Variants in KIF14 observed in about 807,000 individuals in gnomAD.
KIF14 encodes the protein kinesin-like protein KIF14.
KIF14 carries 98 observed loss-of-function variants against 176.2 expected under a neutral mutation model. The ratio of observed to expected loss-of-function variants is 0.56; its 90% confidence interval spans 0.47 to 0.66. The LOEUF is 0.66. KIF14 is among the 30% of genes least tolerant of loss of function. The pLI is 0.00. For synonymous variants in KIF14, 566 were observed against 632.2 expected, an observed-to-expected ratio of 0.90 and a Z score of 1.57; for missense variants, 1,751 against 1,920.4, an observed-to-expected ratio of 0.91 and a Z score of 1.65.
intron 2 of KIF14, among the ~76,000 whole-genome samples, chr1:200,616,294 TC>T (rs933487423): frequency 6.6e-6 from 1 of 152,200 alleles, no homozygotes; most frequent in African/African-American, 2.4e-5. Context: ...ACCTGCCTCA[TC>T]AATTTGACAA....
intron 23 of KIF14, 140 bp from the exon 24 acceptor site, chr1:200,565,809 G>C (rs1657417024): frequency 1.6e-6 from 1 of 617,322 alleles, no homozygotes; most frequent in Non-Finnish European, 2.8e-6. Context: ...GTTCACTGTG[G>C]AATTAGAAAA....
intron 18 of KIF14, among the ~76,000 whole-genome samples, chr1:200,586,621 T>TA (rs901164558): frequency 6.9e-4 from 101 of 146,560 alleles, no homozygotes; most frequent in African/African-American, 2.1e-3. Context: ...TGATAGAAGT[T>TA]AAAAAAAAAA....
intron 18 of KIF14, 140 bp from the exon 19 acceptor site, chr1:200,586,367 A>G (rs1658737178): frequency 1.7e-6 from 1 of 573,684 alleles, no homozygotes; most frequent in Non-Finnish European, 2.8e-6. Flanking sequence ...ATAACATTGT[A>G]TAACTTAAAT....
At chr1:200,566,709 C>A (rs1162728531) in intron 23 of KIF14, among the ~76,000 whole-genome samples, 2 of 151,972 alleles carry the variant, frequency 1.3e-5, no homozygotes, top group African/African-American at 2.4e-5. Context: ...CTCAAGCAAT[C>A]CCTTGGCCTC....
intron 15 of KIF14, among the ~76,000 whole-genome samples, chr1:200,592,896 A>G (rs544513851): frequency 3.5e-4 from 53 of 152,324 alleles, no homozygotes; most frequent in African/African-American, 1.2e-3. Flanking sequence ...ACTATAACAC[A>G]ATGGTAAATA....
chr1:200,553,017 C>G lies in KIF14; in HGVS notation c.*371G>C, dbSNP rs1288255238. ...GGAGTAAAGTGGCATGATCTTGGCT[C>G]ACTGCAACCTCTGCCTCTCAGGTTC... On this transcript the variant is annotated 3_prime_UTR_variant, in exon 30 of 30. Transcript: ENST00000367350. The G allele has an allele frequency of 1.3e-5, 2 of 153,046 alleles. No homozygotes were observed. Among genetic ancestry groups the G allele is most frequent in the African/African-American group, 4.8e-5 (2 of 41,408 alleles). The allele number at this position is 153,046 out of a possible 1,614,324, so 9.5% of individuals were successfully genotyped here. A position where few individuals can be genotyped will look rare whatever the true frequency, so the allele number is the denominator to read the frequency against.
At chr1:200,558,667 G>A (rs566210969) in intron 27 of KIF14, among the ~76,000 whole-genome samples, 1 of 152,158 alleles carries the variant, frequency 6.6e-6, no homozygotes, top group Non-Finnish European at 1.5e-5. Context: ...AACTGTCAGA[G>A]GAAATTAATC....
Position 200,568,297 on chromosome 1 carries a change from G to A in KIF14, c.3661+1614C>T, listed in dbSNP as rs149731246. On this transcript the variant is annotated intron_variant, in intron 23 of 29. Coordinates refer to ENST00000367350, the MANE Select transcript of KIF14 (RefSeq NM_014875.3). ...TAAAATATCTTACTCAGATAATACC[G>A]AATAAATAAGTTGCTACCACAGATA... 3.5e-3 allele frequency among the ~76,000 whole-genome samples: 538 copies of A among 152,118 alleles called. 5 individuals are homozygous for A. The highest frequency in any genetic ancestry group is 0.019 in the South Asian group (92 of 4,818).
In KIF14 at chr1:200,555,395, A is replaced by G; in HGVS notation, c.4413T>C (p.Phe1471=). Residue 1471 remains phenylalanine (F), a synonymous_variant, in exon 28 of 30, where the codon TTT becomes TTC. Transcript: ENST00000367350. ...CTTCTCTTACAATTTTCGATTCAGCAAAGATGTTTTCAAGAGATCTAATCA... is the reference window on the plus strand; with the variant it reads ...CTTCTCTTACAATTTTCGATTCAGCGAAGATGTTTTCAAGAGATCTAATCA... The part of the protein sequence containing the change: ...MGLIRSLENI[F]AESKIKSFRR... The G allele has an allele frequency of 1.9e-6, 3 of 1,580,768 alleles. No individual in the cohort carries two copies. The highest frequency in any genetic ancestry group is 2.6e-6 in the Non-Finnish European group (3 of 1,162,708).
chr1:200,577,723 A>AT (rs575026099), intron 21 of KIF14, among the ~76,000 whole-genome samples: 180 of 152,206 alleles, frequency 1.2e-3, no homozygotes, highest in African/African-American at 4.2e-3. Context: ...AAGAAAAAAA[A>AT]AAAAGAAGAT....
At chr1:200,606,453 G>A (rs1311304340) in intron 6 of KIF14, among the ~76,000 whole-genome samples, 1 of 152,054 alleles carries the variant, frequency 6.6e-6, no homozygotes, top group African/African-American at 2.4e-5. Context: ...AAAGGAAGGG[G>A]TAAAAGAAAG....
At position 200,618,627 on chromosome 1, in the gene KIF14, T is replaced by C; in HGVS notation, c.97A>G (p.Ser33Gly). 1.2e-6 allele frequency: 2 copies of C among 1,614,122 alleles called. No homozygotes were observed. Among genetic ancestry groups the C allele is most frequent in the Non-Finnish European group, 1.7e-6 (2 of 1,180,026 alleles). The change falls in exon 2 of 30, where the codon AGT (serine) becomes GGT (glycine). Residue 33 changes from serine (S) to glycine (G), a missense_variant. By Grantham distance (56) the Ser-to-Gly change is moderately conservative (BLOSUM62 0). Coordinates refer to ENST00000367350, the MANE Select transcript of KIF14 (RefSeq NM_014875.3). The part of the protein sequence containing the change: ...NSSSLNALTH[S>G]SRLKLHLKSD... The stretch of plus-strand genomic sequence containing the variant: ...TTCAAATGCAGCTTAAGTCGGCTAC[T>C]GTGGGTGAGGGCATTCAGTGATGAA...
At chr1:200,594,470 G>C (rs1659230116) in intron 14 of KIF14, among the ~76,000 whole-genome samples, 1 of 149,126 alleles carries the variant, frequency 6.7e-6, no homozygotes, top group Non-Finnish European at 1.5e-5. Flanking sequence ...AATTTTCTAA[G>C]CTTCTGGTTT....
intron 15 of KIF14, among the ~76,000 whole-genome samples, chr1:200,593,368 C>T (rs1571528392): frequency 6.6e-6 from 1 of 152,108 alleles, no homozygotes; most frequent in South Asian, 2.1e-4. Context: ...ACTTGCCAGA[C>T]GTCACAGAGC....
At chr1:200,611,137 G>A (rs1329580385) in intron 4 of KIF14, among the ~76,000 whole-genome samples, 2 of 152,172 alleles carry the variant, frequency 1.3e-5, no homozygotes, top group African/African-American at 4.8e-5. Context: ...GACAGTTAGG[G>A]CATGGTTTCC....
At chr1:200,572,177 TAG>T (rs1225311117) in intron 22 of KIF14, among the ~76,000 whole-genome samples, 3 of 152,228 alleles carry the variant, frequency 2.0e-5, no homozygotes, top group African/African-American at 7.2e-5. Context: ...TTTTAAATTA[TAG>T]AAGTACCCAA....
chr1:200,605,460 C>A, intron 7 of KIF14, 70 bp from the exon 8 acceptor site: 1 of 1,043,004 alleles, frequency 9.6e-7, no homozygotes, highest in Non-Finnish European at 1.5e-6. Flanking sequence ...TTAAGAGAGA[C>A]AACATATACA....
rs1045588306 is a variant in KIF14, at chr1:200,555,962, T to C, written c.4354-508A>G. Among the ~76,000 whole-genome samples the C allele has an allele frequency of 2.6e-5, 4 of 152,230 alleles. 1 individual carries two copies. The highest frequency in any genetic ancestry group is 9.6e-5 in the African/African-American group (4 of 41,466). On this transcript the variant is annotated intron_variant, in intron 27 of 29. Transcript: ENST00000367350. Reference sequence around the variant, plus strand: ...ACTTAAATATTTATAGATACAAAATTTCTAAATTTCCCTTGGAAGGGGGTA... The same window carrying C: ...ACTTAAATATTTATAGATACAAAATCTCTAAATTTCCCTTGGAAGGGGGTA...
In KIF14 at chr1:200,553,288, C is replaced by A. The variant is rs903781736; in HGVS notation, c.*100G>T. ...AAAGACATGGACTTTTTTGAAATAT[C>A]TGTGCTGATTTCTCTTAAACTCTCC... On this transcript the variant is annotated 3_prime_UTR_variant, in exon 30 of 30. Transcript: ENST00000367350. 1 of 1,223,822 alleles carries A rather than the reference C, an allele frequency of 8.2e-7. No individual in the cohort carries two copies. Among genetic ancestry groups the A allele is most frequent in the Non-Finnish European group, 1.1e-6 (1 of 889,472 alleles). 75.8% of individuals were successfully genotyped at this position (1,223,822 alleles called of 1,614,324 possible).
Sources: allele counts gnomAD v4.1 joint callset (sites outside exome capture counted in the v4.1 genomes callset), GRCh38; gene constraint gnomAD v4.1.1; transcripts MANE v1.5; gene names NCBI Gene and HGNC (gene_info 2026-07-23, HGNC 2026-07-21).